Variants in PHACTR3 observed in about 807,000 individuals in gnomAD.
PHACTR3 encodes phosphatase and actin regulator 3.
Under a neutral mutation model 66.8 loss-of-function variants are expected in PHACTR3, and 16 were observed. That is an observed-to-expected ratio of 0.24 (90% confidence interval 0.16 to 0.36). The LOEUF (loss-of-function observed/expected upper bound fraction) is 0.36, where lower values mean the gene tolerates loss of function less well. Ranked by LOEUF, PHACTR3 falls within the 10% of genes least tolerant of loss-of-function variation. PHACTR3 has a pLI of 1.00. For synonymous variants in PHACTR3, 323 were observed against 292.1 expected, an observed-to-expected ratio of 1.11 and a Z score of -1.08; for missense variants, 647 against 719.9, an observed-to-expected ratio of 0.90 and a Z score of 1.16.
intron 7 of PHACTR3, among the ~76,000 whole-genome samples, chr20:59,792,381 C>T (rs558948645): frequency 3.3e-4 from 51 of 152,242 alleles, no homozygotes; most frequent in South Asian, 6.2e-4. Flanking sequence ...TTTTAATAAC[C>T]GGAAAAATGT....
At chr20:59,807,800 G>A (rs192259627) in intron 8 of PHACTR3, among the ~76,000 whole-genome samples, 21 of 152,256 alleles carry the variant, frequency 1.4e-4, no homozygotes, top group Middle Eastern at 3.4e-3. Flanking sequence ...CGTATATGTC[G>A]TGTATCATTG....
chr20:59,676,801 G>GTCCCT, intron 1 of PHACTR3: 1 of 916,110 alleles, frequency 1.1e-6, no homozygotes, highest in Non-Finnish European at 1.3e-6. Context: ...GTGAGGCAGA[G>GTCCCT]GGCAGGGACT....
chr20:59,625,270 C>T (rs753286752), intron 1 of PHACTR3, among the ~76,000 whole-genome samples: 7 of 151,920 alleles, frequency 4.6e-5, no homozygotes, highest in Admixed American at 4.6e-4. Flanking sequence ...GAGGCAGGCC[C>T]CATTCCTGTT....
At chr20:59,822,633 G>C (rs957939899) in intron 8 of PHACTR3, among the ~76,000 whole-genome samples, 1 of 152,166 alleles carries the variant, frequency 6.6e-6, no homozygotes, top group Non-Finnish European at 1.5e-5. Flanking sequence ...GTCTGCAGAT[G>C]AGGTGCGCCT....
chr20:59,594,350 T>A (rs533410119), intron 1 of PHACTR3, among the ~76,000 whole-genome samples: 136 of 148,508 alleles, frequency 9.2e-4, no homozygotes, highest in African/African-American at 3.3e-3. Context: ...TTTTTTTTTT[T>A]ATTTTCTACA....
intron 1 of PHACTR3, among the ~76,000 whole-genome samples, chr20:59,620,928 C>G (rs1156565357): frequency 1.3e-5 from 2 of 152,196 alleles, no homozygotes. Context: ...ATTTATTCAC[C>G]TGTTTACTTA....
chr20:59,780,679 C>CT (rs2040693541), intron 7 of PHACTR3, among the ~76,000 whole-genome samples: 2 of 152,184 alleles, frequency 1.3e-5, no homozygotes, highest in Admixed American at 1.3e-4. Flanking sequence ...ACAGGGAGGG[C>CT]TGTCTGTGCA....
chr20:59,605,867 G>GA (rs2146334261), intron 1 of PHACTR3, among the ~76,000 whole-genome samples: 1 of 139,864 alleles, frequency 7.1e-6, no homozygotes, highest in South Asian at 2.6e-4. Flanking sequence ...GTGGGGGGGG[G>GA]GGTGGGCTGT....
intron 1 of PHACTR3, among the ~76,000 whole-genome samples, chr20:59,617,011 C>T (rs907724097): frequency 6.6e-6 from 1 of 152,164 alleles, no homozygotes; most frequent in Non-Finnish European, 1.5e-5. Context: ...AAGATCATTA[C>T]TTCAAACAGT....
rs141733951 is a variant in PHACTR3 at position 59,738,411 on chromosome 20, C to CCCTGGGGCTTCCCTGGGGAAGGGAAGT, written c.119-4696_119-4695insCCTGGGGCTTCCCTGGGGAAGGGAAGT. Among the ~76,000 whole-genome samples, 7,271 of 152,082 alleles carry CCCTGGGGCTTCCCTGGGGAAGGGAAGT rather than the reference C, an allele frequency of 0.048. 292 individuals are homozygous for CCCTGGGGCTTCCCTGGGGAAGGGAAGT. The highest frequency in any genetic ancestry group is 0.17 in the East Asian group (868 of 5,154). Reference sequence around the variant, plus strand: ...ATTTTGTCCTAAATGAGAAGGGAAGCGAGCAGGAAGTGATAGGGTTAGAGC... The same window carrying CCCTGGGGCTTCCCTGGGGAAGGGAAGT: ...ATTTTGTCCTAAATGAGAAGGGAAGCCCTGGGGCTTCCCTGGGGAAGGGAAGTGAGCAGGAAGTGATAGGGTTAGAGC... On this transcript the variant is annotated intron_variant, in intron 1 of 12. Coordinates refer to ENST00000371015, the MANE Select transcript of PHACTR3 (RefSeq NM_080672.5). This position sits in a 1 kb window ranked among gnomAD's most constrained non-coding sequence, Gnocchi z 4.4.
chr20:59,610,082 T>C (rs2033802477), intron 1 of PHACTR3, among the ~76,000 whole-genome samples: 1 of 152,184 alleles, frequency 6.6e-6, no homozygotes, highest in Non-Finnish European at 1.5e-5. Flanking sequence ...AGTGAAACCC[T>C]GTCTCTATAA....
chr20:59,670,613 G>GGGT (rs1555810029), intron 1 of PHACTR3, among the ~76,000 whole-genome samples: 12 of 132,746 alleles, frequency 9.0e-5, no homozygotes, highest in African/African-American at 3.0e-4. Context: ...GGTGGGGGGG[G>GGGT]GGGGCAGGCA....
At chr20:59,577,613 G>C in exon 1 of PHACTR3, 1 of 1,209,316 alleles carries the variant, frequency 8.3e-7, no homozygotes, top group Non-Finnish European at 1.0e-6. Flanking sequence ...GAGATCCTGC[G>C]CAAGGTAAGC....
At chr20:59,673,374 G>A (rs2036261194) in intron 1 of PHACTR3, among the ~76,000 whole-genome samples, 1 of 152,242 alleles carries the variant, frequency 6.6e-6, no homozygotes, top group South Asian at 2.1e-4. Context: ...ATGAAGCACA[G>A]GCGTTGGGCA....
chr20:59,679,835 G>A (rs2036579785), intron 1 of PHACTR3, among the ~76,000 whole-genome samples: 1 of 152,134 alleles, frequency 6.6e-6, no homozygotes, highest in Non-Finnish European at 1.5e-5. Flanking sequence ...CAGTATGGGG[G>A]AGACTGCCCC....
At chr20:59,808,390 C>T (rs548685546) in intron 8 of PHACTR3, among the ~76,000 whole-genome samples, 6 of 152,294 alleles carry the variant, frequency 3.9e-5, no homozygotes, top group South Asian at 4.1e-4. Flanking sequence ...GTCTCGTGTG[C>T]GGTAGGAGAG....
chr20:59,680,537 C>A (rs2036605569), intron 1 of PHACTR3, among the ~76,000 whole-genome samples: 1 of 152,186 alleles, frequency 6.6e-6, no homozygotes, highest in Admixed American at 6.5e-5. Flanking sequence ...TCCTAACAGC[C>A]CTCACCTGGC....
intron 1 of PHACTR3, among the ~76,000 whole-genome samples, chr20:59,616,774 TA>T (rs2034040110): frequency 6.6e-6 from 1 of 152,224 alleles, no homozygotes; most frequent in African/African-American, 2.4e-5. Flanking sequence ...TTCTTTCCCC[TA>T]ATCCTTGCAA....
intron 1 of PHACTR3, among the ~76,000 whole-genome samples, chr20:59,597,428 G>A (rs2033356827): frequency 6.6e-6 from 1 of 152,154 alleles, no homozygotes; most frequent in African/African-American, 2.4e-5. Context: ...GTGAGTTGGG[G>A]TATATATGAT....
Sources: allele counts gnomAD v4.1 joint callset (sites outside exome capture counted in the v4.1 genomes callset), GRCh38; gene constraint gnomAD v4.1.1; non-coding constraint Gnocchi (gnomAD v3.1); transcripts MANE v1.5; gene names NCBI Gene and HGNC (gene_info 2026-07-23, HGNC 2026-07-21).